Variants in PRCP observed in about 807,000 individuals in gnomAD.
PRCP encodes prolylcarboxypeptidase, also known as lysosomal Pro-X carboxypeptidase.
In PRCP, 46 loss-of-function variants were observed where a neutral mutation model predicts 54.2. The observed-to-expected ratio is 0.85, with a 90% CI of 0.67 to 1.09. The LOEUF (loss-of-function observed/expected upper bound fraction) is 1.09. Among genes scored for constraint, PRCP ranks in the 50% least tolerant of loss-of-function variants. The probability of loss-of-function intolerance (pLI) is 0.00; values close to 1 mark genes in which losing one functional copy is unlikely to be tolerated. For missense variants in PRCP, 613 were observed against 596.8 expected, an observed-to-expected ratio of 1.03 and a Z score of -0.28; for synonymous variants, 240 against 212.2, an observed-to-expected ratio of 1.13 and a Z score of -1.14.
At position 82,860,070 on chromosome 11, in the gene PRCP, G is replaced by T. The variant is rs1480322909; in HGVS notation, c.216C>A (p.Tyr72Ter). Residue 72 changes from tyrosine (Y) to a stop codon, truncating the protein, a stop_gained, in exon 2 of 9, where the codon TAC becomes TAA. Coordinates refer to ENST00000313010, the MANE Select transcript of PRCP (RefSeq NM_005040.4). LOFTEE classifies it high-confidence loss of function. ...FNTVKTFNQR[Y>*]LVADKYWKKN... Reference sequence around the variant, plus strand: ...TCTTCCAGTATTTATCAGCTACTAGGTACCGCTGATTAAAAGTTTTCACAG... The same window carrying T: ...TCTTCCAGTATTTATCAGCTACTAGTTACCGCTGATTAAAAGTTTTCACAG... 6.4e-7 allele frequency: 1 copy of T among 1,572,654 alleles called. No individual in the cohort carries two copies. Among genetic ancestry groups the T allele is most frequent in the Admixed American group, 1.8e-5 (1 of 54,432 alleles).
At chr11:82,886,048 G>C (rs942531475) in intron 1 of PRCP, among the ~76,000 whole-genome samples, 1 of 152,088 alleles carries the variant, frequency 6.6e-6, no homozygotes, top group African/African-American at 2.4e-5. Context: ...TATTTTAGAA[G>C]TTTTCATAGT....
chr11:82,881,368 G>A (rs1256553316), intron 1 of PRCP, among the ~76,000 whole-genome samples: 1 of 152,200 alleles, frequency 6.6e-6, no homozygotes, highest in African/African-American at 2.4e-5. Context: ...ATCTGAAGAT[G>A]TAATTACAGT....
At chr11:82,847,791 A>C (rs1858843229) in intron 6 of PRCP, among the ~76,000 whole-genome samples, 1 of 152,018 alleles carries the variant, frequency 6.6e-6, no homozygotes. Flanking sequence ...ATGAGGTCTC[A>C]CTATGTTGCC....
intron 1 of PRCP, among the ~76,000 whole-genome samples, chr11:82,883,223 A>G (rs1859792580): frequency 6.6e-6 from 1 of 152,190 alleles, no homozygotes; most frequent in South Asian, 2.1e-4. Context: ...AAAGTGCAAT[A>G]AGAGGCACAA....
In PRCP at chr11:82,873,079, T is replaced by A. The variant is rs547871123; in HGVS notation, c.169-12962A>T. Among the ~76,000 whole-genome samples, 612 of 147,644 alleles carry A rather than the reference T, an allele frequency of 4.1e-3. 6 individuals carry two copies. Among genetic ancestry groups the A allele is most frequent in the East Asian group, 9.0e-3 (46 of 5,102 alleles). ...TTATTCTGATCTGTTTTTTTTTTTT[T>A]AAAAAAAAAGAAAGTAAGAAGAATA... On this transcript the variant is annotated intron_variant, in intron 1 of 8. Coordinates refer to ENST00000313010, the MANE Select transcript of PRCP (RefSeq NM_005040.4).
At chr11:82,900,969 A>G (rs1860275093), upstream of PRCP, 5 of 421,120 alleles carry the variant, frequency 1.2e-5, no homozygotes, top group East Asian at 2.8e-4. Flanking sequence ...CGTCACAGCA[A>G]TCTTGTGCGT....
Position 82,839,313 on chromosome 11 carries a change from T to C in PRCP, c.1034A>G (p.Asn345Ser). The change falls in exon 7 of 9, where the codon AAT becomes AGT. Residue 345 changes from asparagine (N) to serine (S), a missense_variant. Transcript: ENST00000313010. ...ACTGCTAGTTGCTGTCTCTGAAATA[T>C]TCAGGCATTTCACCTGGCCCGAATA... ...YNYSGQVKCLNISETATSSLG... is the reference protein window; with the variant it reads ...YNYSGQVKCLSISETATSSLG... 1 of 1,614,072 alleles carries C rather than the reference T, an allele frequency of 6.2e-7. No homozygotes were observed. The highest frequency in any genetic ancestry group is 8.5e-7 in the Non-Finnish European group (1 of 1,179,970).
At position 82,896,902 on chromosome 11, in the gene PRCP, A is replaced by G. The variant is rs528778368; in HGVS notation, c.168+3333T>C. On this transcript the variant is annotated intron_variant, in intron 1 of 8. Coordinates refer to ENST00000313010, the MANE Select transcript of PRCP (RefSeq NM_005040.4). ...ACACACAGACACACACCCTAATACA[A>G]TAGATATTGCTCCCAATTTTACCAC... Among the ~76,000 whole-genome samples the G allele has an allele frequency of 2.0e-5, 3 of 152,120 alleles. No individual in the cohort carries two copies. The South Asian group carries it at 6.2e-4, about 32-fold the overall frequency.
chr11:82,849,118 C>T lies in PRCP; in HGVS notation c.852G>A (p.Val284=). ...HLKDWISETW[V]NLAMVDYPYA... ...AAGGATAGTCCACCATTGCCAGATT[C>T]ACCCAGGTTTCAGAGATCCAGTCTT... is the stretch of plus-strand genomic sequence containing the variant. The change falls in exon 6 of 9, where the codon GTG becomes GTA. Residue 284 remains valine, a synonymous_variant. Transcript: ENST00000313010. 1 of 1,614,152 alleles carries T rather than the reference C, an allele frequency of 6.2e-7. No homozygotes were observed. The highest frequency in any genetic ancestry group is 8.5e-7 in the Non-Finnish European group (1 of 1,180,000).
chr11:82,871,667 A>G (rs917885903), intron 1 of PRCP, among the ~76,000 whole-genome samples: 2 of 152,206 alleles, frequency 1.3e-5, no homozygotes, highest in African/African-American at 4.8e-5. Flanking sequence ...TGATCTATGT[A>G]ACTCACAATC....
chr11:82,833,757 GTAT>G (rs572381175), intron 8 of PRCP, among the ~76,000 whole-genome samples: 1 of 152,212 alleles, frequency 6.6e-6, no homozygotes, highest in African/African-American at 2.4e-5. Context: ...GGGGTGAGTG[GTAT>G]TATTATTCTC....
chr11:82,824,901 G>A lies in PRCP; in HGVS notation c.*5C>T, dbSNP rs3750931. On this transcript the variant is annotated 3_prime_UTR_variant, in exon 9 of 9. Coordinates refer to ENST00000313010, the MANE Select transcript of PRCP (RefSeq NM_005040.4). Reference sequence around the variant, plus strand: ...AAGAAGAAATTGAAAACAATCAAAAGTTTCTCAGTGCTGCTTTCCCGCACT... The same window carrying A: ...AAGAAGAAATTGAAAACAATCAAAAATTTCTCAGTGCTGCTTTCCCGCACT... The A allele has an allele frequency of 1.7e-5, 27 of 1,611,454 alleles. 1 individual carries two copies. The South Asian group carries it at 3.0e-4, about 18-fold the overall frequency.
chr11:82,892,105 T>A (rs1176356360), intron 1 of PRCP, among the ~76,000 whole-genome samples: 2 of 152,198 alleles, frequency 1.3e-5, no homozygotes, highest in African/African-American at 4.8e-5. Flanking sequence ...AACTAATAAG[T>A]GGACACAGAG....
chr11:82,880,734 G>C (rs909807553), intron 1 of PRCP, among the ~76,000 whole-genome samples: 1 of 150,798 alleles, frequency 6.6e-6, no homozygotes, highest in Admixed American at 6.6e-5. Context: ...TATTATGCAA[G>C]AGCAAAAATA....
chr11:82,848,315 A>G (rs995025891), intron 6 of PRCP, among the ~76,000 whole-genome samples: 1 of 152,214 alleles, frequency 6.6e-6, no homozygotes, highest in Non-Finnish European at 1.5e-5. Flanking sequence ...TTTTGACATG[A>G]AAAGAACCTT....
At chr11:82,900,720 C>G (rs1331797025), upstream of PRCP, 2 of 534,206 alleles carry the variant, frequency 3.7e-6, no homozygotes, top group Non-Finnish European at 7.2e-6. Context: ...TCGCTGTAGC[C>G]CATGCTTTAT....
intron 6 of PRCP, chr11:82,846,214 T>G (rs1379073351): frequency 6.6e-6 from 1 of 152,052 alleles, no homozygotes; most frequent in African/African-American, 2.4e-5. Context: ...TAAATGGAAC[T>G]ATCCAAGTGA....
At chr11:82,877,956 G>A (rs1259790710) in intron 1 of PRCP, among the ~76,000 whole-genome samples, 1 of 152,136 alleles carries the variant, frequency 6.6e-6, no homozygotes. Context: ...TGAGAGGGAG[G>A]CTGTACCCTG....
At chr11:82,898,016 G>A (rs965335861) in intron 1 of PRCP, among the ~76,000 whole-genome samples, 1 of 152,136 alleles carries the variant, frequency 6.6e-6, no homozygotes, top group Admixed American at 6.5e-5. Context: ...TATTTCATGT[G>A]CTCTAACTTA....
Sources: allele counts gnomAD v4.1 joint callset (sites outside exome capture counted in the v4.1 genomes callset), GRCh38; gene constraint gnomAD v4.1.1; transcripts MANE v1.5; gene names NCBI Gene and HGNC (gene_info 2026-07-23, HGNC 2026-07-21).